EML5: variants seen among roughly 807,000 people sequenced by gnomAD.
The protein encoded by EML5 is EMAP like 5.
EML5 carries 120 observed loss-of-function variants against 250.0 expected under a neutral mutation model. The observed-to-expected ratio is 0.48, with a 90% confidence interval of 0.41 to 0.56. EML5 has a LOEUF of 0.56. Among genes scored for constraint, EML5 ranks in the 20% least tolerant of loss-of-function variants. EML5 has a pLI of 0.00. For synonymous variants in EML5, 771 were observed against 806.5 expected (o/e 0.96, Z 0.75); for missense variants, 2,006 against 2,437.6 (o/e 0.82, Z 3.73).
chr14:88,694,435 TC>T, intron 16 of EML5, 28 bp from the exon 17 acceptor site: 1 of 1,419,818 alleles, frequency 7.0e-7, no homozygotes, highest in Non-Finnish European at 9.7e-7. Flanking sequence ...ATGTTTTAGC[TC>T]TGAAGATTCA....
At chr14:88,632,302 T>A (rs924091311) in intron 33 of EML5, among the ~76,000 whole-genome samples, 3 of 152,184 alleles carry the variant, frequency 2.0e-5, no homozygotes, top group Non-Finnish European at 4.4e-5. Context: ...TGGACTACTA[T>A]AACGGCCACC....
chr14:88,649,246 G>A (rs1013347869), intron 28 of EML5, among the ~76,000 whole-genome samples: 2 of 151,972 alleles, frequency 1.3e-5, no homozygotes, highest in East Asian at 1.9e-4. Context: ...ATGTTGTCTA[G>A]GCTGGTCTTG....
At chr14:88,729,658 C>A (rs1453618052) in intron 7 of EML5, among the ~76,000 whole-genome samples, 7 of 151,866 alleles carry the variant, frequency 4.6e-5, no homozygotes, top group Non-Finnish European at 8.8e-5. Context: ...CTCCCAGGTT[C>A]AAGTGATTCT....
intron 19 of EML5, among the ~76,000 whole-genome samples, chr14:88,686,913 C>T (rs769009465): frequency 1.6e-4 from 24 of 152,278 alleles, no homozygotes; most frequent in Non-Finnish European, 3.4e-4. Context: ...CAAAGTTGCA[C>T]ACAAGTTCCT....
chr14:88,769,741 C>G (rs1955493391), intron 1 of EML5, among the ~76,000 whole-genome samples: 1 of 152,154 alleles, frequency 6.6e-6, no homozygotes, highest in African/African-American at 2.4e-5. Context: ...CATTCTGTAT[C>G]TAAGTATTTG....
At chr14:88,773,456 TCATATAACG>T (rs1439950316) in intron 1 of EML5, among the ~76,000 whole-genome samples, 2 of 152,176 alleles carry the variant, frequency 1.3e-5, no homozygotes, top group Non-Finnish European at 2.9e-5. Flanking sequence ...ACCCACATTG[TCATATAACG>T]CATAATAGTA....
intron 1 of EML5, among the ~76,000 whole-genome samples, chr14:88,780,244 C>T (rs926865690): frequency 2.0e-5 from 3 of 152,184 alleles, no homozygotes; most frequent in Non-Finnish European, 4.4e-5. Flanking sequence ...TAAGTCACCA[C>T]ACCCAGCCCG....
chr14:88,733,633 C>T (rs2093794403), intron 7 of EML5, among the ~76,000 whole-genome samples: 2 of 152,088 alleles, frequency 1.3e-5, no homozygotes, highest in Admixed American at 1.3e-4. Flanking sequence ...GGTGTAGCCC[C>T]CACAGTAAGT....
At chr14:88,742,143 C>T (rs1454197593) in intron 4 of EML5, among the ~76,000 whole-genome samples, 1 of 152,114 alleles carries the variant, frequency 6.6e-6, no homozygotes, top group Non-Finnish European at 1.5e-5. Context: ...ATCTCTGAAG[C>T]ATGAAGCCCA....
chr14:88,754,474 A>G (rs1295084986), intron 2 of EML5, 38 bp downstream of exon 2: 2 of 1,534,736 alleles, frequency 1.3e-6, no homozygotes, highest in African/African-American at 1.4e-5. Context: ...ATATACCTTA[A>G]CATACAATTT....
At chr14:88,787,727 T>C (rs1332162202) in intron 1 of EML5, among the ~76,000 whole-genome samples, 1 of 152,242 alleles carries the variant, frequency 6.6e-6, no homozygotes, top group Non-Finnish European at 1.5e-5. Flanking sequence ...TTACATGGTC[T>C]ATAAATAAAT....
chr14:88,754,742 A>C (rs2094139166), intron 1 of EML5, 71 bp from the exon 2 acceptor site: 1 of 1,287,920 alleles, frequency 7.8e-7, no homozygotes, highest in Admixed American at 2.2e-5. Context: ...TATTTGGTAG[A>C]TGTAAAACAC....
chr14:88,716,577 T>C (rs905160146), intron 8 of EML5, among the ~76,000 whole-genome samples: 3 of 152,194 alleles, frequency 2.0e-5, no homozygotes, highest in Non-Finnish European at 2.9e-5. Context: ...ATAATTATAA[T>C]CTTCATGACC....
chr14:88,706,882 T>C (rs2093325616), intron 10 of EML5, among the ~76,000 whole-genome samples: 1 of 152,214 alleles, frequency 6.6e-6, no homozygotes. Flanking sequence ...CATAATCAAA[T>C]GAGATTTATG....
intron 1 of EML5, among the ~76,000 whole-genome samples, chr14:88,758,636 C>T (rs915490009): frequency 4.6e-5 from 7 of 152,176 alleles, no homozygotes; most frequent in Non-Finnish European, 8.8e-5. Context: ...AAAGGCTAAA[C>T]AAAGTTACCG....
chr14:88,657,630 TA>T, intron 26 of EML5, 128 bp from the exon 27 acceptor site: 3 of 838,818 alleles, frequency 3.6e-6, no homozygotes, highest in Non-Finnish European at 5.1e-6. Context: ...TATGAAGTAA[TA>T]TACAACCAGA....
intron 20 of EML5, 34 bp from the exon 21 acceptor site, chr14:88,682,065 G>A (rs537190297): frequency 3.1e-5 from 47 of 1,535,908 alleles, no homozygotes; most frequent in Non-Finnish European, 3.9e-5. Context: ...TTTAGTGTAT[G>A]TGTGTGTATA....
intron 2 of EML5, 149 bp downstream of exon 2, chr14:88,754,363 T>C (rs1430261914): frequency 3.4e-6 from 2 of 583,414 alleles, no homozygotes; most frequent in Non-Finnish European, 2.7e-6. Flanking sequence ...CCCATTGTTA[T>C]ATATCAACCT....
In EML5 at chr14:88,640,987, AAAG is replaced by A. The variant is rs201139712; in HGVS notation, c.4237+1903_4237+1905del. Among the ~76,000 whole-genome samples, 420 of 151,880 alleles carry A rather than the reference AAAG, an allele frequency of 2.8e-3. 1 individual carries two copies. Among genetic ancestry groups the A allele is most frequent in the African/African-American group, 9.3e-3 (385 of 41,496 alleles). ...TGATGTTAGTTGTGGGCCTCTAAAAAAAGAAGAAGAAGAAGAAGAAAAATCTAG... is the reference window on the plus strand; with the variant it reads ...TGATGTTAGTTGTGGGCCTCTAAAAAAAGAAGAAGAAGAAGAAAAATCTAG... On this transcript the variant is annotated intron_variant, in intron 31 of 43. Transcript: ENST00000554922.
Sources: allele counts gnomAD v4.1 joint callset (sites outside exome capture counted in the v4.1 genomes callset), GRCh38; gene constraint gnomAD v4.1.1; transcripts MANE v1.5; gene names NCBI Gene and HGNC (gene_info 2026-07-23, HGNC 2026-07-21).